Variants in RSU1 observed in about 807,000 individuals in gnomAD.
RSU1 encodes the protein Ras suppressor protein 1.
Under a neutral mutation model 31.1 loss-of-function variants are expected in RSU1, and 26 were observed. That is an observed-to-expected ratio of 0.84 (90% confidence interval 0.61 to 1.16). The LOEUF is 1.16. RSU1 is among the 50% of genes most tolerant of loss of function. RSU1 has a pLI of 0.00. For synonymous variants in RSU1, 164 were observed against 136.3 expected, an observed-to-expected ratio of 1.20 and a Z score of -1.41; for missense variants, 320 against 339.1, an observed-to-expected ratio of 0.94 and a Z score of 0.44.
chr10:16,641,669 GC>G (rs1032057737), intron 8 of RSU1, among the ~76,000 whole-genome samples: 14 of 152,140 alleles, frequency 9.2e-5, no homozygotes, highest in African/African-American at 3.4e-4. Flanking sequence ...GCCAACAACA[GC>G]CCCTGCCTTC....
intron 7 of RSU1, among the ~76,000 whole-genome samples, chr10:16,725,286 AAG>A (rs1363177084): frequency 6.6e-6 from 1 of 152,228 alleles, no homozygotes; most frequent in Non-Finnish European, 1.5e-5. Flanking sequence ...TGGGCAACTC[AAG>A]TTAGCCCCCA....
At chr10:16,724,620 G>A (rs1401391413) in intron 7 of RSU1, among the ~76,000 whole-genome samples, 1 of 152,224 alleles carries the variant, frequency 6.6e-6, no homozygotes, top group Non-Finnish European at 1.5e-5. Context: ...AAGAGGAGCA[G>A]AAGGGGGAAT....
At chr10:16,721,923 C>T (rs1019811181) in intron 7 of RSU1, among the ~76,000 whole-genome samples, 2 of 152,108 alleles carry the variant, frequency 1.3e-5, no homozygotes, top group South Asian at 2.1e-4. Context: ...AGAACAAAGC[C>T]GGCTACATAG....
At chr10:16,635,494 T>C (rs746850756) in intron 8 of RSU1, among the ~76,000 whole-genome samples, 31 of 152,246 alleles carry the variant, frequency 2.0e-4, no homozygotes, top group Non-Finnish European at 3.8e-4. Context: ...CCTACCATGC[T>C]GCTACTATAC....
At chr10:16,808,192 C>G (rs773657982) in intron 2 of RSU1, among the ~76,000 whole-genome samples, 9 of 151,994 alleles carry the variant, frequency 5.9e-5, no homozygotes, top group Admixed American at 6.5e-5. Context: ...CAAGAGTGAA[C>G]TCCAACCGGG....
intron 1 of RSU1, 103 bp downstream of exon 1, chr10:16,817,212 G>A (rs1415170057): frequency 2.9e-6 from 2 of 689,808 alleles, no homozygotes; most frequent in African/African-American, 3.5e-5. Context: ...GGGCGTCCCA[G>A]GGGCTGGTCC....
intron 3 of RSU1, among the ~76,000 whole-genome samples, chr10:16,776,453 T>C (rs1318048501): frequency 6.6e-6 from 1 of 151,858 alleles, no homozygotes; most frequent in African/African-American, 2.4e-5. Flanking sequence ...AATTCTAAAT[T>C]CATACATAAG....
At chr10:16,646,621 A>C (rs894920809) in intron 8 of RSU1, among the ~76,000 whole-genome samples, 1 of 152,226 alleles carries the variant, frequency 6.6e-6, no homozygotes, top group Non-Finnish European at 1.5e-5. Context: ...TATGTCACCG[A>C]GGCAGGGCCT....
At chr10:16,607,167 C>A (rs141431256) in intron 8 of RSU1, among the ~76,000 whole-genome samples, 1 of 152,162 alleles carries the variant, frequency 6.6e-6, no homozygotes, top group African/African-American at 2.4e-5. Flanking sequence ...GCAGCATTGA[C>A]GCCCTTGTGC....
chr10:16,672,555 T>C (rs1835128775), intron 8 of RSU1, among the ~76,000 whole-genome samples: 1 of 152,086 alleles, frequency 6.6e-6, no homozygotes, highest in African/African-American at 2.4e-5. Context: ...CAACTACTGA[T>C]GCATGGAACA....
chr10:16,725,982 T>G (rs1310588167), intron 7 of RSU1, among the ~76,000 whole-genome samples: 1 of 151,716 alleles, frequency 6.6e-6, no homozygotes, highest in Non-Finnish European at 1.5e-5. Flanking sequence ...TACAGTTATA[T>G]ATGTATAAAA....
At chr10:16,623,117 G>A (rs1012283323) in intron 8 of RSU1, among the ~76,000 whole-genome samples, 50 of 152,194 alleles carry the variant, frequency 3.3e-4, no homozygotes, top group African/African-American at 1.0e-3. Context: ...TGAGTTTGGG[G>A]TACTAATGAA....
intron 4 of RSU1, among the ~76,000 whole-genome samples, chr10:16,759,885 C>T (rs568659676): frequency 2.5e-5 from 3 of 118,544 alleles, no homozygotes; most frequent in African/African-American, 1.0e-4. Flanking sequence ...TGATGGATCA[C>T]ACATACAAGT....
In RSU1 at chr10:16,721,927, T is replaced by C. The variant is rs188805346; in HGVS notation, c.599-26772A>G. Among the ~76,000 whole-genome samples the C allele has an allele frequency of 2.0e-4, 31 of 152,316 alleles. No individual in the cohort carries two copies. The East Asian group carries it at 4.1e-3, about 20-fold the overall frequency. Reference sequence around the variant, plus strand: ...GTAAAGCTGTTAGAACAAAGCCGGCTACATAGCAAGTACAAGAGAAATTTT... The same window carrying C: ...GTAAAGCTGTTAGAACAAAGCCGGCCACATAGCAAGTACAAGAGAAATTTT... On this transcript the variant is annotated intron_variant, in intron 7 of 8. Transcript: ENST00000345264.
chr10:16,738,375 C>T (rs554055510), intron 7 of RSU1, among the ~76,000 whole-genome samples: 1 of 152,196 alleles, frequency 6.6e-6, no homozygotes, highest in African/African-American at 2.4e-5. Flanking sequence ...GACGTGAACC[C>T]AGGAGGCGGA....
intron 7 of RSU1, among the ~76,000 whole-genome samples, chr10:16,699,419 G>A (rs754734023): frequency 1.3e-5 from 2 of 152,190 alleles, no homozygotes; most frequent in Non-Finnish European, 2.9e-5. Context: ...GATGACACCC[G>A]ACTCATATTG....
chr10:16,614,000 G>A (rs1474487159), intron 8 of RSU1, among the ~76,000 whole-genome samples: 1 of 152,014 alleles, frequency 6.6e-6, no homozygotes, highest in Non-Finnish European at 1.5e-5. Context: ...GTACTCGCAG[G>A]GATTGTGGGC....
At chr10:16,596,956 C>G (rs1406466611) in intron 8 of RSU1, among the ~76,000 whole-genome samples, 1 of 152,226 alleles carries the variant, frequency 6.6e-6, no homozygotes, top group Non-Finnish European at 1.5e-5. Flanking sequence ...CTCCTGACCT[C>G]AAACGATCCA....
In RSU1 at chr10:16,736,133, A is replaced by G. The variant is rs542205279; in HGVS notation, c.598+16406T>C. ...AGGGCATAGCAGGAAAGGAGCTATG[A>G]AGAAAAAGAGGCCCAGAAAGCTGCA... On this transcript the variant is annotated intron_variant, in intron 7 of 8. Coordinates refer to ENST00000345264, the MANE Select transcript of RSU1 (RefSeq NM_012425.4). Among the ~76,000 whole-genome samples the G allele has an allele frequency of 6.6e-5, 10 of 152,322 alleles. No individual in the cohort carries two copies. In the South Asian group the frequency reaches 1.7e-3, roughly 25 times the overall value.
Sources: allele counts gnomAD v4.1 joint callset (sites outside exome capture counted in the v4.1 genomes callset), GRCh38; gene constraint gnomAD v4.1.1; transcripts MANE v1.5; gene names NCBI Gene and HGNC (gene_info 2026-07-23, HGNC 2026-07-21).